The following CLIP1 variants were observed in gnomAD, a reference collection of about 807,000 sequenced individuals.
The protein encoded by CLIP1 is CAP-Gly domain containing linker protein 1.
A neutral mutation model predicts 161.6 loss-of-function variants in CLIP1; 66 were observed. That is an observed-to-expected ratio of 0.41 (90% CI 0.33 to 0.50). The LOEUF is 0.50. CLIP1 is among the 20% of genes least tolerant of loss of function. The probability of loss-of-function intolerance (pLI) is 0.27; values close to 1 mark genes in which losing one functional copy is unlikely to be tolerated. For missense variants in CLIP1, 1,376 were observed against 1,702.0 expected (o/e 0.81, Z 3.37); for synonymous variants, 598 against 626.2 (o/e 0.96, Z 0.67).
In CLIP1 at chr12:122,279,016, G is replaced by A; in HGVS notation, c.3765+12C>T. ...CCGCGTGAAAGCTCGTGCACCCTGG[G>A]TGGTACTCTACCTCATTTCTCAGTT... On this transcript the variant is annotated intron_variant, in intron 22 of 25. Coordinates refer to ENST00000620786, the MANE Select transcript of CLIP1 (RefSeq NM_001247997.2). This position sits in a 1 kb window ranked among gnomAD's most constrained non-coding sequence, Gnocchi z 4.5. 1 of 1,610,800 alleles carries A rather than the reference G, an allele frequency of 6.2e-7. No homozygotes were observed. The highest frequency in any genetic ancestry group is 8.5e-7 in the Non-Finnish European group (1 of 1,178,822).
Position 122,279,241 on chromosome 12 carries a change from T to C in CLIP1, c.3648-96A>G, listed in dbSNP as rs190323097. On this transcript the variant is annotated intron_variant, in intron 21 of 25. Coordinates refer to ENST00000620786, the MANE Select transcript of CLIP1 (RefSeq NM_001247997.2). The surrounding 1 kb of genome is among the most constrained non-coding windows in gnomAD (Gnocchi z 4.5). ...CAAACACATAATTAATGTTAGTTAA[T>C]GTAAAAAAAAAAATATAACAGGGAA... 5.2e-3 allele frequency: 4,021 copies of C among 777,914 alleles called. 19 individuals are homozygous for C. Among genetic ancestry groups the C allele is most frequent in the Non-Finnish European group, 6.4e-3 (3,238 of 506,844 alleles). The allele number at this position is 777,914 out of a possible 1,614,324, so 48.2% of individuals were successfully genotyped here.
chr12:122,327,724 A>C (rs974896089), intron 17 of CLIP1, among the ~76,000 whole-genome samples: 2 of 152,142 alleles, frequency 1.3e-5, no homozygotes, highest in East Asian at 3.9e-4. Context: ...CCATTCCAGG[A>C]AAGACTGGCA....
chr12:122,412,480 C>T (rs892481358), intron 1 of CLIP1, among the ~76,000 whole-genome samples: 3 of 151,866 alleles, frequency 2.0e-5, no homozygotes, highest in African/African-American at 7.2e-5. Flanking sequence ...CATGGCGAAA[C>T]CCCGTCTCTA....
At chr12:122,415,798 G>A (rs1956735705) in intron 1 of CLIP1, among the ~76,000 whole-genome samples, 1 of 151,916 alleles carries the variant, frequency 6.6e-6, no homozygotes, top group Admixed American at 6.6e-5. Context: ...CAGCTTGAGT[G>A]ACAGAGGGAG....
At chr12:122,359,185 T>A (rs1953655118) in intron 5 of CLIP1, among the ~76,000 whole-genome samples, 1 of 152,252 alleles carries the variant, frequency 6.6e-6, no homozygotes. Flanking sequence ...AATTTCTCTA[T>A]CTTTGTCATA....
intron 1 of CLIP1, among the ~76,000 whole-genome samples, chr12:122,414,198 G>A (rs1054740326): frequency 6.6e-6 from 1 of 152,090 alleles, no homozygotes; most frequent in Non-Finnish European, 1.5e-5. Flanking sequence ...GAGTGCAGTG[G>A]CGTGAACACA....
chr12:122,394,384 G>A (rs758208380), intron 1 of CLIP1, among the ~76,000 whole-genome samples: 12 of 150,074 alleles, frequency 8.0e-5, no homozygotes, highest in African/African-American at 1.2e-4. Context: ...AGTTACTCTG[G>A]AGGCTCAGGC....
At chr12:122,421,041 G>A (rs543337855) in intron 1 of CLIP1, among the ~76,000 whole-genome samples, 3 of 149,430 alleles carry the variant, frequency 2.0e-5, no homozygotes, top group South Asian at 2.2e-4. Flanking sequence ...CCTGAAGTCA[G>A]AATACCTGAG....
rs187516361 is a variant in CLIP1 at position 122,334,520 on chromosome 12, C to T, written c.2626+128G>A. On this transcript the variant is annotated intron_variant, in intron 13 of 25. Transcript: ENST00000620786. ...CAATGGAAGCCAGTCTTTCTGAGCA[C>T]GGCAGGAACTTCCAGGAGAGTGAAA... The T allele has an allele frequency of 7.9e-4, 522 of 662,716 alleles. 3 individuals are homozygous for T. Among genetic ancestry groups the T allele is most frequent in the African/African-American group, 3.2e-3 (177 of 54,980 alleles). 41.1% of individuals were successfully genotyped at this position (662,716 alleles called of 1,614,324 possible).
intron 24 of CLIP1, chr12:122,275,641 C>CGCGT (rs1555253375): frequency 5.8e-5 from 5 of 86,266 alleles, no homozygotes; most frequent in African/African-American, 3.1e-4. Context: ...CACACACACA[C>CGCGT]GCGCACACAC....
intron 20 of CLIP1, among the ~76,000 whole-genome samples, chr12:122,297,239 C>T (rs370098176): frequency 2.0e-5 from 3 of 152,190 alleles, no homozygotes; most frequent in African/African-American, 7.2e-5. Context: ...GTCAGCTACG[C>T]TAAGAAAAAT....
intron 10 of CLIP1, among the ~76,000 whole-genome samples, chr12:122,344,265 T>A (rs1256164187): frequency 1.3e-5 from 2 of 152,144 alleles, no homozygotes; most frequent in Non-Finnish European, 2.9e-5. Flanking sequence ...AAATTAAATA[T>A]TTCAGAGCTG....
chr12:122,368,690 C>T (rs1329869142), intron 3 of CLIP1, among the ~76,000 whole-genome samples: 1 of 152,056 alleles, frequency 6.6e-6, no homozygotes, highest in Non-Finnish European at 1.5e-5. Flanking sequence ...TGTCTGCAAT[C>T]CTAGCTCTTT....
intron 1 of CLIP1, among the ~76,000 whole-genome samples, chr12:122,406,059 T>G (rs1294117414): frequency 2.0e-5 from 3 of 152,068 alleles, no homozygotes; most frequent in African/African-American, 4.8e-5. Flanking sequence ...AGAGCAAGAC[T>G]CCATCTGGGG....
intron 1 of CLIP1, among the ~76,000 whole-genome samples, chr12:122,381,981 T>C (rs1955028728): frequency 1.3e-5 from 2 of 152,134 alleles, no homozygotes; most frequent in African/African-American, 4.8e-5. Context: ...TCCCAACACT[T>C]TGGGACGCCA....
chr12:122,392,781 G>C (rs534835170), intron 1 of CLIP1, among the ~76,000 whole-genome samples: 139 of 151,854 alleles, frequency 9.2e-4, no homozygotes, highest in African/African-American at 3.1e-3. Context: ...CACAAAAATT[G>C]TTTTTTGGTT....
rs1406976858 is a variant in CLIP1, at chr12:122,354,478, G to C, written c.1282C>G (p.Leu428Val). ...EAADREKVEL[L>V]NQLEEEKRKV... ...CTTTTCTCCTCTTCAAGCTGGTTGA[G>C]AAGCTCCACCTTCTCCCTGTCAGCA... is the stretch of plus-strand genomic sequence containing the variant. Residue 428 changes from leucine (L) to valine (V), a missense_variant, in exon 7 of 26, where the codon CTC (leucine) becomes GTC (valine). Physicochemically the swap from Leu to Val is conservative, Grantham distance 32. This residue lies in a region of CLIP1 where 211 missense variants were observed against 295.1 expected (regional missense o/e 0.72). Coordinates refer to ENST00000620786, the MANE Select transcript of CLIP1 (RefSeq NM_001247997.2). 1.2e-6 allele frequency: 2 copies of C among 1,613,770 alleles called. No individual in the cohort carries two copies. The highest frequency in any genetic ancestry group is 1.7e-6 in the Non-Finnish European group (2 of 1,179,882).
At chr12:122,356,829 G>C (rs1016947195) in intron 5 of CLIP1, among the ~76,000 whole-genome samples, 32 of 152,306 alleles carry the variant, frequency 2.1e-4, no homozygotes, top group African/African-American at 7.5e-4. Flanking sequence ...TGGTGGAGAC[G>C]GGGTTTCGCT....
intron 1 of CLIP1, among the ~76,000 whole-genome samples, chr12:122,387,247 A>G (rs1180476093): frequency 2.0e-5 from 3 of 152,120 alleles, no homozygotes; most frequent in Admixed American, 2.0e-4. Context: ...GTGCACTCCC[A>G]GGGAACCTTT....
Sources: allele counts gnomAD v4.1 joint callset (sites outside exome capture counted in the v4.1 genomes callset), GRCh38; gene constraint gnomAD v4.1.1; regional missense constraint gnomAD v4.1.1; non-coding constraint Gnocchi (gnomAD v3.1); transcripts MANE v1.5; gene names NCBI Gene and HGNC (gene_info 2026-07-23, HGNC 2026-07-21).